Variants in MFAP3 observed in about 807,000 individuals in gnomAD.
MFAP3 encodes microfibril associated protein 3, also known as microfibril-associated glycoprotein 3.
A neutral mutation model predicts 20.5 loss-of-function variants in MFAP3; 8 were observed. The ratio of observed to expected loss-of-function variants is 0.39; its 90% confidence interval spans 0.23 to 0.70. The LOEUF (loss-of-function observed/expected upper bound fraction) is 0.70. Ranked by LOEUF, MFAP3 falls within the 30% of genes least tolerant of loss-of-function variation. The probability of loss-of-function intolerance (pLI) is 0.44; values close to 1 mark genes in which losing one functional copy is unlikely to be tolerated. For synonymous variants in MFAP3, 140 were observed against 154.0 expected (o/e 0.91, Z 0.67); for missense variants, 398 against 444.6 (o/e 0.90, Z 0.94).
At chr5:154,039,342 G>A (rs1163751314) in intron 1 of MFAP3, 3 of 152,212 alleles carry the variant, frequency 2.0e-5, no homozygotes. Flanking sequence ...ACTGGATAAT[G>A]TGATGGAACG....
At chr5:154,046,119 C>T (rs953690817) in intron 1 of MFAP3, among the ~76,000 whole-genome samples, 1 of 152,172 alleles carries the variant, frequency 6.6e-6, no homozygotes, top group African/African-American at 2.4e-5. Context: ...GATATTCAAC[C>T]TGGTTTGGAA....
At chr5:154,042,020 C>G (rs1370799495) in intron 1 of MFAP3, among the ~76,000 whole-genome samples, 1 of 152,212 alleles carries the variant, frequency 6.6e-6, no homozygotes, top group Non-Finnish European at 1.5e-5. Context: ...GATCAGGCAC[C>G]TTAACTCTAG....
chr5:154,052,763 G>A (rs1485761593), intron 2 of MFAP3, among the ~76,000 whole-genome samples, 157 bp from the exon 3 acceptor site: 2 of 152,158 alleles, frequency 1.3e-5, no homozygotes, highest in African/African-American at 4.8e-5. Flanking sequence ...GGACCTCACA[G>A]TCTGCCCTTT....
chr5:154,041,394 GAATGAT>G (rs967335285), intron 1 of MFAP3, among the ~76,000 whole-genome samples: 4 of 152,224 alleles, frequency 2.6e-5, no homozygotes, highest in African/African-American at 9.6e-5. Flanking sequence ...GCAAAGAAAC[GAATGAT>G]AATGATAATC....
rs1285026976 is a variant in MFAP3, at chr5:154,039,497, A to C, written c.-167+486A>C. Among the ~76,000 whole-genome samples the C allele has an allele frequency of 2.6e-5, 4 of 152,208 alleles. No individual in the cohort carries two copies. In the East Asian group the frequency reaches 7.7e-4, roughly 29 times the overall value. On this transcript the variant is annotated intron_variant, in intron 1 of 2. Transcript: ENST00000522782. ...GCCACTGGCTAGAGCAAAAGGAGCA[A>C]GGTGAGAATGGAGAGAGATGAGGCC...
intron 1 of MFAP3, among the ~76,000 whole-genome samples, chr5:154,045,409 G>T (rs1773053329): frequency 6.6e-6 from 1 of 152,082 alleles, no homozygotes; most frequent in Non-Finnish European, 1.5e-5. Flanking sequence ...TTTGCAATGA[G>T]AAAAAGAAAA....
rs2113569391 is a variant in MFAP3 at position 154,053,788 on chromosome 5, A to G, written c.*75A>G. 1 of 1,403,024 alleles carries G rather than the reference A, an allele frequency of 7.1e-7. No homozygotes were observed. 86.9% of individuals were successfully genotyped at this position (1,403,024 alleles called of 1,614,324 possible). ...AGGAACCTGTTTCTTAGAAGAAGTA[A>G]CATTTTTGCCAAAAGATGACTGGGG... is the stretch of plus-strand genomic sequence containing the variant. On this transcript the variant is annotated 3_prime_UTR_variant, in exon 3 of 3. Coordinates refer to ENST00000522782, the MANE Select transcript of MFAP3 (RefSeq NM_005927.5).
chr5:154,048,833 G>A (rs1208089496), intron 1 of MFAP3, among the ~76,000 whole-genome samples: 1 of 152,164 alleles, frequency 6.6e-6, no homozygotes, highest in Non-Finnish European at 1.5e-5. Flanking sequence ...AATTTGGTAT[G>A]CTTACAAACT....
At chr5:154,049,017 G>A (rs1773122248) in intron 1 of MFAP3, among the ~76,000 whole-genome samples, 1 of 152,080 alleles carries the variant, frequency 6.6e-6, no homozygotes, top group Admixed American at 6.5e-5. Flanking sequence ...CCCACCTCAG[G>A]TGTCCCTGCA....
At chr5:154,041,617 T>G (rs1772954443) in intron 1 of MFAP3, among the ~76,000 whole-genome samples, 1 of 152,216 alleles carries the variant, frequency 6.6e-6, no homozygotes, top group Non-Finnish European at 1.5e-5. Context: ...AAATTGGAAT[T>G]TTAAGCTTAT....
At chr5:154,050,515 A>G (rs543705341) in intron 2 of MFAP3, among the ~76,000 whole-genome samples, 1 of 151,906 alleles carries the variant, frequency 6.6e-6, no homozygotes, top group South Asian at 2.1e-4. Context: ...AATCCAGGAC[A>G]TTTTTGAAAA....
chr5:154,046,198 T>G (rs1483217802), intron 1 of MFAP3, among the ~76,000 whole-genome samples: 1 of 152,192 alleles, frequency 6.6e-6, no homozygotes, highest in Non-Finnish European at 1.5e-5. Flanking sequence ...AGGTATCAGG[T>G]TGGGAGTCGG....
chr5:154,044,690 A>G, intron 1 of MFAP3, among the ~76,000 whole-genome samples: 1 of 152,170 alleles, frequency 6.6e-6, no homozygotes, highest in East Asian at 1.9e-4. Flanking sequence ...CTATGTCTGT[A>G]CAACACAAGA....
intron 1 of MFAP3, among the ~76,000 whole-genome samples, chr5:154,043,125 A>G (rs1178938020): frequency 6.6e-6 from 1 of 152,214 alleles, no homozygotes; most frequent in African/African-American, 2.4e-5. Context: ...CTGGGGTAAA[A>G]TCATCCACAT....
chr5:154,053,535 C>G lies in MFAP3; in HGVS notation c.911C>G (p.Ser304Cys). ...NSPGGDSDDG[S>C]LNEQGQEIAV... ...CCAGGAGGAGATTCAGATGATGGCT[C>G]TCTGAATGAACAAGGCCAGGAAATA... is the stretch of plus-strand genomic sequence containing the variant. Residue 304 changes from serine (S) to cysteine (C), a missense_variant, in exon 3 of 3, where the codon TCT becomes TGT. Physicochemically the swap from Ser to Cys is moderately radical, Grantham distance 112. Transcript: ENST00000522782. The G allele has an allele frequency of 6.2e-7, 1 of 1,613,810 alleles. No individual in the cohort carries two copies. The highest frequency in any genetic ancestry group is 8.5e-7 in the Non-Finnish European group (1 of 1,179,944).
intron 1 of MFAP3, among the ~76,000 whole-genome samples, chr5:154,049,042 C>A (rs1773122531): frequency 1.3e-5 from 2 of 152,200 alleles, no homozygotes; most frequent in Admixed American, 1.3e-4. Flanking sequence ...TTATATGTAA[C>A]ATATCTTCAT....
At chr5:154,042,149 AAG>A (rs1019662623) in intron 1 of MFAP3, among the ~76,000 whole-genome samples, 23 of 152,234 alleles carry the variant, frequency 1.5e-4, no homozygotes, top group Non-Finnish European at 3.4e-4. Flanking sequence ...ATCTGAGGGT[AAG>A]AGGAGTTCTG....
rs1023098492 is a variant in MFAP3, at chr5:154,056,766, CTGTT to C, written c.*3056_*3059del. On this transcript the variant is annotated 3_prime_UTR_variant, in exon 3 of 3. Coordinates refer to ENST00000522782, the MANE Select transcript of MFAP3 (RefSeq NM_005927.5). ...CTGATGCCCCACTTGAGTTTATAGA[CTGTT>C]TGATAACTGCCTGTCCTCCAAATTG... Among the ~76,000 whole-genome samples, 24 of 152,314 alleles carry C rather than the reference CTGTT, an allele frequency of 1.6e-4. 1 individual carries two copies. The East Asian group carries it at 4.4e-3, about 28-fold the overall frequency.
chr5:154,053,906 A>G lies in MFAP3; in HGVS notation c.*193A>G. The G allele has an allele frequency of 1.7e-6, 1 of 572,504 alleles. No individual in the cohort carries two copies. Among genetic ancestry groups the G allele is most frequent in the South Asian group, 2.6e-5 (1 of 39,140 alleles). 35.5% of individuals were successfully genotyped at this position (572,504 alleles called of 1,614,324 possible). A position where few individuals can be genotyped will look rare whatever the true frequency, so the allele number is the denominator to read the frequency against. ...TTTTCCTCTCTGATACTTTTCAGTC[A>G]TTTTCCTTAGAGCTTTATTAAATTA... On this transcript the variant is annotated 3_prime_UTR_variant, in exon 3 of 3. Transcript: ENST00000522782.
Sources: gnomAD v4.1 joint callset for allele counts (sites outside exome capture counted in the v4.1 genomes callset) on GRCh38, gnomAD v4.1.1 for gene constraint, MANE v1.5 for transcripts, NCBI Gene and HGNC (gene_info 2026-07-23, HGNC 2026-07-21) for gene names.